Variants in GTSE1 observed in about 807,000 individuals in gnomAD.
GTSE1 encodes G2 and S-phase expressed 1, also known as G2 and S phase-expressed protein 1.
Under a neutral mutation model 60.5 loss-of-function variants are expected in GTSE1, and 52 were observed. The observed-to-expected ratio is 0.86, with a 90% confidence interval of 0.69 to 1.08. GTSE1 has a LOEUF of 1.08. Ranked by LOEUF, GTSE1 falls within the 50% of genes least tolerant of loss-of-function variation. The pLI is 0.00. For missense variants in GTSE1, 937 were observed against 961.8 expected (o/e 0.97, Z 0.34); for synonymous variants, 368 against 386.5 (o/e 0.95, Z 0.56).
intron 2 of GTSE1, among the ~76,000 whole-genome samples, chr22:46,300,497 C>T (rs2077683510): frequency 6.6e-6 from 1 of 152,202 alleles, no homozygotes; most frequent in African/African-American, 2.4e-5. Context: ...TCTGACCCAA[C>T]TTGTGTTTTC....
rs1210951505 is a variant in GTSE1 at position 46,328,695 on chromosome 22, C to G, written c.1732C>G (p.Pro578Ala). Residue 578 changes from proline to alanine, a missense_variant, in exon 10 of 12, where the codon CCA becomes GCA. Physicochemically the swap from Pro to Ala is conservative, Grantham distance 27. Coordinates refer to ENST00000454366, the MANE Select transcript of GTSE1 (RefSeq NM_016426.7). ...TTTTTTTCCTTCCCACAGAACTGAACCAACAAGGGAGAGCAACAGAAAGAC... is the reference window on the plus strand; with the variant it reads ...TTTTTTTCCTTCCCACAGAACTGAAGCAACAAGGGAGAGCAACAGAAAGAC... ...PRKNSAMRTEPTRESNRKTDS... is the reference protein window; with the variant it reads ...PRKNSAMRTEATRESNRKTDS... 1 of 1,612,014 alleles carries G rather than the reference C, an allele frequency of 6.2e-7. No individual in the cohort carries two copies. Among genetic ancestry groups the G allele is most frequent in the Non-Finnish European group, 8.5e-7 (1 of 1,178,114 alleles).
rs1374325041 is a variant in GTSE1 at position 46,319,232 on chromosome 22, C to T, written c.1432+2820C>T. On this transcript the variant is annotated intron_variant, in intron 7 of 11. Coordinates refer to ENST00000454366, the MANE Select transcript of GTSE1 (RefSeq NM_016426.7). This position sits in a 1 kb window ranked among gnomAD's most constrained non-coding sequence, Gnocchi z 5.0. The stretch of plus-strand genomic sequence containing the variant: ...GTGACCAGAGCGGACCCTGGAGTAC[C>T]GTCAGTGCAGGAGGACGTGCATAGG... 1.3e-5 allele frequency among the ~76,000 whole-genome samples: 2 copies of T among 152,138 alleles called. No homozygotes were observed. The highest frequency in any genetic ancestry group is 2.4e-5 in the African/African-American group (1 of 41,426).
In GTSE1 at chr22:46,316,215, C is replaced by T; in HGVS notation, c.1235C>T (p.Ala412Val). The change falls in exon 7 of 12, where the codon GCA becomes GTA. Residue 412 changes from alanine to valine, a missense_variant. Ala to Val is a moderately conservative substitution (Grantham distance 64). Coordinates refer to ENST00000454366, the MANE Select transcript of GTSE1 (RefSeq NM_016426.7). This position sits in a 1 kb window ranked among gnomAD's most constrained non-coding sequence, Gnocchi z 5.0. ...GAGCTGGCAGCGGAGCAGCTCACGGCACCCCCCTCAGCATCCCCCACCCAA... is the reference window on the plus strand; with the variant it reads ...GAGCTGGCAGCGGAGCAGCTCACGGTACCCCCCTCAGCATCCCCCACCCAA... ...VSELAAEQLT[A>V]PPSASPTQPQ... 2 of 1,613,568 alleles carry T rather than the reference C, an allele frequency of 1.2e-6. No individual in the cohort carries two copies. The highest frequency in any genetic ancestry group is 1.7e-6 in the Non-Finnish European group (2 of 1,179,926).
rs917273857 is a variant in GTSE1 at position 46,309,778 on chromosome 22, A to C, written c.762+835A>C. ...CCCTTGACAAGGAGGTATGCCCGGC[A>C]CTGCCACCCCCAACAGCTGGGGCCT... On this transcript the variant is annotated intron_variant, in intron 4 of 11. Coordinates refer to ENST00000454366, the MANE Select transcript of GTSE1 (RefSeq NM_016426.7). The surrounding 1 kb of genome is among the most constrained non-coding windows in gnomAD (Gnocchi z 6.2). Among the ~76,000 whole-genome samples, 23 of 152,214 alleles carry C rather than the reference A, an allele frequency of 1.5e-4. No individual in the cohort carries two copies. In the South Asian group the frequency reaches 4.6e-3, roughly 30 times the overall value.
At chr22:46,306,067 G>A (rs2077713697) in intron 2 of GTSE1, among the ~76,000 whole-genome samples, 1 of 151,976 alleles carries the variant, frequency 6.6e-6, no homozygotes, top group Admixed American at 6.6e-5. Flanking sequence ...CATTTGTTCT[G>A]ACTTCTCCTT....
In GTSE1 at chr22:46,328,866, G is replaced by A. The variant is rs561960556; in HGVS notation, c.1903G>A (p.Gly635Ser). ...AGTAGCTCGGGAGGAAGCCAAGCCG[G>A]GTGGAGATGCAGCCCCTAGTGAGGT... The part of the protein sequence containing the change: ...TEVAREEAKP[G>S]GDAAPSEALL... The change falls in exon 10 of 12, where the codon GGT becomes AGT. Residue 635 changes from glycine to serine, a missense_variant. Transcript: ENST00000454366. The A allele has an allele frequency of 4.3e-6, 7 of 1,613,712 alleles. No individual in the cohort carries two copies. Among genetic ancestry groups the A allele is most frequent in the Middle Eastern group, 3.3e-4 (2 of 6,060 alleles).
intron 8 of GTSE1, among the ~76,000 whole-genome samples, chr22:46,325,226 T>TCCG (rs1489491131): frequency 6.6e-6 from 1 of 152,278 alleles, no homozygotes; most frequent in East Asian, 1.9e-4. Context: ...AGATGGAGAC[T>TCCG]CGCTCTGTCA....
intron 2 of GTSE1, among the ~76,000 whole-genome samples, chr22:46,305,995 A>G (rs1337145992): frequency 6.6e-6 from 1 of 152,036 alleles, no homozygotes; most frequent in African/African-American, 2.4e-5. Context: ...AAGTTGACAG[A>G]TGTGCTTATG....
Position 46,329,647 on chromosome 22 carries a change from C to T in GTSE1, c.2136+80C>T, listed in dbSNP as rs552590480. The T allele has an allele frequency of 3.5e-5, 39 of 1,123,750 alleles. No homozygotes were observed. Among genetic ancestry groups the T allele is most frequent in the South Asian group, 2.4e-4 (19 of 79,328 alleles). The allele number at this position is 1,123,750 out of a possible 1,614,324, so 69.6% of individuals were successfully genotyped here. ...GGATTGTTCATCCTCCCAGGGCCATCGTGGGACCCTTGAGAGTGGCTGTTG... is the reference window on the plus strand; with the variant it reads ...GGATTGTTCATCCTCCCAGGGCCATTGTGGGACCCTTGAGAGTGGCTGTTG... On this transcript the variant is annotated intron_variant, in intron 11 of 11. Coordinates refer to ENST00000454366, the MANE Select transcript of GTSE1 (RefSeq NM_016426.7). The surrounding 1 kb of genome is among the most constrained non-coding windows in gnomAD (Gnocchi z 6.4).
chr22:46,321,905 C>G lies in GTSE1; in HGVS notation c.1433-1285C>G, dbSNP rs1181993326. The stretch of plus-strand genomic sequence containing the variant: ...CCTGGCCAACATGGCAAAACCCTGT[C>G]TCTACTAACAATACAAAAATTATCC... On this transcript the variant is annotated intron_variant, in intron 7 of 11. Coordinates refer to ENST00000454366, the MANE Select transcript of GTSE1 (RefSeq NM_016426.7). This position sits in a 1 kb window ranked among gnomAD's most constrained non-coding sequence, Gnocchi z 4.0. Among the ~76,000 whole-genome samples, 2 of 151,946 alleles carry G rather than the reference C, an allele frequency of 1.3e-5. No homozygotes were observed. Among genetic ancestry groups the G allele is most frequent in the Non-Finnish European group, 2.9e-5 (2 of 67,980 alleles).
chr22:46,325,797 A>G (rs2077840391), intron 8 of GTSE1, among the ~76,000 whole-genome samples: 1 of 152,266 alleles, frequency 6.6e-6, no homozygotes, highest in Admixed American at 6.5e-5. Context: ...CATTCAGTCC[A>G]CAGCAAATGC....
intron 6 of GTSE1, 100 bp from the exon 7 acceptor site, chr22:46,315,932 T>G: frequency 1.1e-6 from 1 of 909,044 alleles, no homozygotes; most frequent in Non-Finnish European, 1.7e-6. Context: ...ATGTGTCTTA[T>G]GTTTAAGGTA....
In GTSE1 at chr22:46,297,324, G is replaced by A. The variant is rs1412286542; in HGVS notation, c.-21-56G>A. ...CTCTGTGAGCCGAGGGCTGAAGGAA[G>A]CCGGAGCCCTGGGCCCTGACACGTA... On this transcript the variant is annotated intron_variant, in intron 1 of 11. Transcript: ENST00000454366. This position sits in a 1 kb window ranked among gnomAD's most constrained non-coding sequence, Gnocchi z 4.9. The A allele has an allele frequency of 1.6e-5, 16 of 1,028,008 alleles. No individual in the cohort carries two copies. In the East Asian group the frequency reaches 3.6e-4, roughly 23 times the overall value. 63.7% of individuals were successfully genotyped at this position (1,028,008 alleles called of 1,614,324 possible).
At position 46,328,819 on chromosome 22, in the gene GTSE1, T is replaced by C. The variant is rs576855941; in HGVS notation, c.1856T>C (p.Phe619Ser). 2 of 1,614,040 alleles carry C rather than the reference T, an allele frequency of 1.2e-6. No homozygotes were observed. The highest frequency in any genetic ancestry group is 2.7e-5 in the African/African-American group (2 of 75,028). ...TCTCCAGAGGAAAGCGATTCTACTTTCTCCAAAAGTACTGCCACAGAAGTA... is the reference window on the plus strand; with the variant it reads ...TCTCCAGAGGAAAGCGATTCTACTTCCTCCAAAAGTACTGCCACAGAAGTA... ...NFSPEESDST[F>S]SKSTATEVAR... is the part of the protein sequence containing the mutation. The change falls in exon 10 of 12, where the codon TTC (phenylalanine) becomes TCC (serine). Residue 619 changes from phenylalanine to serine, a missense_variant. Transcript: ENST00000454366.
intron 2 of GTSE1, among the ~76,000 whole-genome samples, chr22:46,298,922 C>T (rs1001027082): frequency 6.6e-6 from 1 of 152,206 alleles, no homozygotes; most frequent in African/African-American, 2.4e-5. Context: ...CTCTCCATTG[C>T]TGTGTTTCTC....
chr22:46,307,813 TAA>T (rs554618997), intron 2 of GTSE1, among the ~76,000 whole-genome samples: 13,632 of 142,202 alleles, frequency 0.096, 2,066 homozygotes, highest in African/African-American at 0.32. Flanking sequence ...CTGATGCAAT[TAA>T]AAAAAAAAAA....
chr22:46,301,464 T>C (rs1247067294), intron 2 of GTSE1, among the ~76,000 whole-genome samples: 1 of 148,398 alleles, frequency 6.7e-6, no homozygotes, highest in Non-Finnish European at 1.5e-5. Flanking sequence ...AACTGCATTC[T>C]CAGAGCAAGT....
chr22:46,322,802 C>T (rs1055001968), intron 7 of GTSE1, among the ~76,000 whole-genome samples: 2 of 152,220 alleles, frequency 1.3e-5, no homozygotes, highest in South Asian at 2.1e-4. Flanking sequence ...TAAACCCCTG[C>T]GGTGTTGTTC....
At position 46,313,441 on chromosome 22, in the gene GTSE1, T is replaced by G. The variant is rs1183297835; in HGVS notation, c.928-449T>G. Among the ~76,000 whole-genome samples the G allele has an allele frequency of 1.3e-5, 2 of 152,178 alleles. No homozygotes were observed. The highest frequency in any genetic ancestry group is 2.9e-5 in the Non-Finnish European group (2 of 68,038). On this transcript the variant is annotated intron_variant, in intron 5 of 11. Coordinates refer to ENST00000454366, the MANE Select transcript of GTSE1 (RefSeq NM_016426.7). This position sits in a 1 kb window ranked among gnomAD's most constrained non-coding sequence, Gnocchi z 4.4. ...TACACTTTGAGAAGTGCTGCTTGACTTTTTTCTTCTTTAAATTCAAGATGA... is the reference window on the plus strand; with the variant it reads ...TACACTTTGAGAAGTGCTGCTTGACGTTTTTCTTCTTTAAATTCAAGATGA...
Sources: allele counts gnomAD v4.1 joint callset (sites outside exome capture counted in the v4.1 genomes callset), GRCh38; gene constraint gnomAD v4.1.1; non-coding constraint Gnocchi (gnomAD v3.1); transcripts MANE v1.5; gene names NCBI Gene and HGNC (gene_info 2026-07-23, HGNC 2026-07-21).